The following CHD9 variants were observed in gnomAD, a reference collection of about 807,000 sequenced individuals.
CHD9 encodes the protein ATP-dependent chromatin remodeler CHD9.
A neutral mutation model predicts 316.1 loss-of-function variants in CHD9; 77 were observed. The observed-to-expected ratio is 0.24, with a 90% CI of 0.20 to 0.29. CHD9 has a LOEUF of 0.29. Among genes scored for constraint, CHD9 ranks in the 10% least tolerant of loss-of-function variants. CHD9 has a pLI of 1.00. For missense variants in CHD9, 2,763 were observed against 3,438.1 expected (o/e 0.80, Z 4.91); for synonymous variants, 1,129 against 1,158.3 (o/e 0.97, Z 0.51).
intron 1 of CHD9, among the ~76,000 whole-genome samples, chr16:53,130,007 C>T (rs899054838): frequency 6.6e-6 from 1 of 152,196 alleles, no homozygotes; most frequent in African/African-American, 2.4e-5. Context: ...AAACCAGTAT[C>T]ACCCTCCCCC....
chr16:53,254,435 T>C lies in CHD9; in HGVS notation c.3862-3T>C. 6.5e-7 allele frequency: 1 copy of C among 1,540,450 alleles called. No individual in the cohort carries two copies. The highest frequency in any genetic ancestry group is 1.4e-5 in the African/African-American group (1 of 72,918). On this transcript the variant is annotated splice_polypyrimidine_tract_variant and splice_region_variant and intron_variant, in intron 17 of 38. Coordinates refer to ENST00000447540, the MANE Select transcript of CHD9 (RefSeq NM_001308319.2). ...TTAAATATGTAACTTTTCATTTTTA[T>C]AGGCCCAAGCTCGTTGCCACAGAAT...
At chr16:53,221,138 T>C (rs1420569056) in intron 3 of CHD9, among the ~76,000 whole-genome samples, 1 of 152,218 alleles carries the variant, frequency 6.6e-6, no homozygotes, top group African/African-American at 2.4e-5. Context: ...TTAGAAGTTG[T>C]TAGCATTAGT....
chr16:53,166,185 A>G (rs1470117506), intron 2 of CHD9, among the ~76,000 whole-genome samples: 1 of 152,204 alleles, frequency 6.6e-6, no homozygotes, highest in African/African-American at 2.4e-5. Flanking sequence ...GTTCTGAAAT[A>G]CATCCTAGTT....
In CHD9 at chr16:53,310,277, C is replaced by T. The variant is rs542389901; in HGVS notation, c.7222+1423C>T. Among the ~76,000 whole-genome samples, 3 of 152,190 alleles carry T rather than the reference C, an allele frequency of 2.0e-5. No homozygotes were observed. In the East Asian group the frequency reaches 5.8e-4, roughly 29 times the overall value. On this transcript the variant is annotated intron_variant, in intron 34 of 38. Transcript: ENST00000447540. ...CCAAATTATGCTTTACAATTACAGT[C>T]GCCCAAATTATACCTTACAATTAAC...
chr16:53,151,230 T>G (rs1159687520), intron 1 of CHD9, among the ~76,000 whole-genome samples: 1 of 105,996 alleles, frequency 9.4e-6, no homozygotes, highest in Non-Finnish European at 1.9e-5. Flanking sequence ...TCCCCTCCCT[T>G]TCCTCTCCTT....
In CHD9 at chr16:53,263,085, C is replaced by T; in HGVS notation, c.4308C>T (p.Ala1436=). The change falls in exon 20 of 39, where the codon GCC becomes GCT. Residue 1436 remains alanine, a synonymous_variant. Coordinates refer to ENST00000447540, the MANE Select transcript of CHD9 (RefSeq NM_001308319.2). ...WAKKAEIDIE[A]ISGRNSLVID... ...AAAAGGCAGAAATAGATATAGAGGC[C>T]ATCAGTGGCAGAGTAAGTATTTTTA... 3 of 1,609,648 alleles carry T rather than the reference C, an allele frequency of 1.9e-6. No individual in the cohort carries two copies. The highest frequency in any genetic ancestry group is 2.5e-6 in the Non-Finnish European group (3 of 1,177,102).
intron 1 of CHD9, among the ~76,000 whole-genome samples, chr16:53,154,702 G>A (rs1347555265): frequency 6.6e-6 from 1 of 152,104 alleles, no homozygotes; most frequent in Non-Finnish European, 1.5e-5. Context: ...TAATACTGCC[G>A]CTGATGTGAC....
At chr16:53,246,990 A>G (rs1178281215) in intron 15 of CHD9, among the ~76,000 whole-genome samples, 1 of 152,184 alleles carries the variant, frequency 6.6e-6, no homozygotes, top group Non-Finnish European at 1.5e-5. Context: ...CCACAGTTTT[A>G]TTTTTTCCCT....
At chr16:53,188,055 G>A (rs1359108536) in intron 2 of CHD9, among the ~76,000 whole-genome samples, 1 of 152,156 alleles carries the variant, frequency 6.6e-6, no homozygotes, top group Non-Finnish European at 1.5e-5. Flanking sequence ...TTCTGTCTAT[G>A]GATTTGCCTA....
intron 1 of CHD9, among the ~76,000 whole-genome samples, chr16:53,091,259 A>C (rs1336540798): frequency 1.3e-5 from 2 of 152,238 alleles, no homozygotes; most frequent in African/African-American, 4.8e-5. Context: ...TGAGCTGCCA[A>C]GAACGCTGGA....
At chr16:53,075,054 A>T (rs917928907) in intron 1 of CHD9, among the ~76,000 whole-genome samples, 2 of 152,210 alleles carry the variant, frequency 1.3e-5, no homozygotes, top group African/African-American at 4.8e-5. Context: ...CCAAGGCCAC[A>T]GTAACCCACC....
At chr16:53,151,067 T>C (rs1006751270) in intron 1 of CHD9, among the ~76,000 whole-genome samples, 1 of 152,146 alleles carries the variant, frequency 6.6e-6, no homozygotes, top group African/African-American at 2.4e-5. Flanking sequence ...TGCCCTTTTC[T>C]CTCTCTCCTT....
intron 2 of CHD9, among the ~76,000 whole-genome samples, chr16:53,206,497 A>G (rs62048052): frequency 0.28 from 42,611 of 152,072 alleles, 6,074 homozygotes; most frequent in Middle Eastern, 0.32. Flanking sequence ...TATAATGGTT[A>G]AGAGTGTGGT....
rs530233406 is a variant in CHD9 at position 53,306,353 on chromosome 16, A to C, written c.6736A>C (p.Ile2246Leu). 1 of 1,609,926 alleles carries C rather than the reference A, an allele frequency of 6.2e-7. No homozygotes were observed. The highest frequency in any genetic ancestry group is 1.7e-4 in the Middle Eastern group (1 of 6,054). The change falls in exon 32 of 39, where the codon ATC becomes CTC. Residue 2246 changes from isoleucine (I) to leucine (L), a missense_variant. Around this residue, in one of 15 missense-constraint regions of CHD9, gnomAD observed 663 missense variants for 751.2 expected, o/e 0.88. Coordinates refer to ENST00000447540, the MANE Select transcript of CHD9 (RefSeq NM_001308319.2). ...MNNGTPESAY[I>L]LQGGYMLAAS... ...CAATGGGACACCAGAGTCTGCTTAT[A>C]TCTTACAAGGTGGATATATGCTGGC...
intron 2 of CHD9, among the ~76,000 whole-genome samples, chr16:53,209,059 A>AT (rs1426766963): frequency 2.6e-5 from 4 of 152,192 alleles, no homozygotes; most frequent in Admixed American, 6.5e-5. Flanking sequence ...TCTAAAAGCC[A>AT]TAATAAACTG....
intron 15 of CHD9, among the ~76,000 whole-genome samples, chr16:53,246,086 T>G (rs2049566146): frequency 6.6e-6 from 1 of 152,218 alleles, no homozygotes; most frequent in East Asian, 1.9e-4. Flanking sequence ...CTAGAATTTG[T>G]CCTCTTGTTT....
In CHD9 at chr16:53,327,252, T is replaced by A. The variant is rs1369941280; in HGVS notation, c.*2357T>A. On this transcript the variant is annotated 3_prime_UTR_variant, in exon 39 of 39. Coordinates refer to ENST00000447540, the MANE Select transcript of CHD9 (RefSeq NM_001308319.2). Reference sequence around the variant, plus strand: ...TATGTGTTGGTAGTTACTAAAAGAATTATAGCTGTTATTGCCTTGTATTTA... The same window carrying A: ...TATGTGTTGGTAGTTACTAAAAGAAATATAGCTGTTATTGCCTTGTATTTA... The A allele has an allele frequency of 6.6e-6, 1 of 152,522 alleles. No individual in the cohort carries two copies. The highest frequency in any genetic ancestry group is 2.4e-5 in the African/African-American group (1 of 41,448). The allele number at this position is 152,522 out of a possible 1,614,324, so 9.4% of individuals were successfully genotyped here.
rs1460638079 is a variant in CHD9, at chr16:53,307,681, G to C, written c.6781G>C (p.Asp2261His). The change falls in exon 33 of 39, where the codon GAT (aspartate) becomes CAT (histidine). Residue 2261 changes from aspartate (D) to histidine (H), a missense_variant and splice_region_variant. Physicochemically the swap from Asp to His is moderately conservative, Grantham distance 81. Transcript: ENST00000447540. The stretch of plus-strand genomic sequence containing the variant: ...ACTTTGATGTTGCACGCTTTTCTAG[G>C]ATCGTGTGATGATCAATAGGTTGGA... ...YMLAASYWPKDRVMINRLDSI... is the reference protein window; with the variant it reads ...YMLAASYWPKHRVMINRLDSI... 6.2e-7 allele frequency: 1 copy of C among 1,600,286 alleles called. No homozygotes were observed. Among genetic ancestry groups the C allele is most frequent in the African/African-American group, 1.3e-5 (1 of 74,616 alleles).
intron 36 of CHD9, among the ~76,000 whole-genome samples, chr16:53,316,003 A>C (rs2056855013): frequency 1.3e-5 from 2 of 152,122 alleles, no homozygotes; most frequent in South Asian, 4.1e-4. Flanking sequence ...GCACTTTGGG[A>C]GGCCGAAATG....
Sources: gnomAD v4.1 joint callset for allele counts (sites outside exome capture counted in the v4.1 genomes callset) on GRCh38, gnomAD v4.1.1 for gene constraint, gnomAD v4.1.1 regional missense constraint, MANE v1.5 for transcripts, NCBI Gene and HGNC (gene_info 2026-07-23, HGNC 2026-07-21) for gene names.